The following SPOP variants were observed in gnomAD, a reference collection of about 807,000 sequenced individuals.
SPOP encodes speckle-type POZ protein.
In SPOP, 11 loss-of-function variants were observed where a neutral mutation model predicts 45.6. That is an observed-to-expected ratio of 0.24 (90% CI 0.15 to 0.40). The LOEUF is 0.40. Among genes scored for constraint, SPOP ranks in the 10% least tolerant of loss-of-function variants. The pLI, the probability that SPOP is intolerant of heterozygous loss-of-function variation, is 1.00. For missense variants in SPOP, 152 were observed against 465.6 expected, an observed-to-expected ratio of 0.33 and a Z score of 6.20; for synonymous variants, 166 against 166.3, an observed-to-expected ratio of 1.00 and a Z score of 0.01.
At position 49,600,420 on chromosome 17, in the gene SPOP, G is replaced by A. The variant is rs1275682069; in HGVS notation, c.1083C>T (p.Cys361=). 6.2e-7 allele frequency: 1 copy of A among 1,614,026 alleles called. No homozygotes were observed. Among genetic ancestry groups the A allele is most frequent in the East Asian group, 2.2e-5 (1 of 44,888 alleles). Residue 361 remains cysteine (C), a synonymous_variant, in exon 10 of 10, where the codon TGC becomes TGT. Coordinates refer to ENST00000504102, the MANE Select transcript of SPOP (RefSeq NM_001007228.2). This position sits in a 1 kb window ranked among gnomAD's most constrained non-coding sequence, Gnocchi z 4.2. ...EAYRSLASAQ[C]PFLGPPRKRL... is the part of the protein sequence containing the mutation. ...GTTTGCGTGGGGGTCCCAGAAAAGG[G>A]CACTGTGCTGAAGCCAGAGAGCGGT...
intron 5 of SPOP, among the ~76,000 whole-genome samples, chr17:49,613,873 T>A (rs1269698902): frequency 6.6e-6 from 1 of 152,066 alleles, no homozygotes; most frequent in African/African-American, 2.4e-5. Context: ...AAACTAAAGA[T>A]TTTTTTTAAT....
intron 1 of SPOP, among the ~76,000 whole-genome samples, chr17:49,670,485 A>G (rs1180211427): frequency 6.6e-6 from 1 of 152,246 alleles, no homozygotes; most frequent in African/African-American, 2.4e-5. Flanking sequence ...TGAATTTCAG[A>G]TAAATATCAG....
At position 49,619,087 on chromosome 17, in the gene SPOP, A is replaced by G; in HGVS notation, c.374T>C (p.Phe125Ser). ...KAMESQRAYR[F>S]VQGKDWGFKK... ...GAATCCCCAGTCTTTGCCTTGCACA[A>G]ACCTATATGCCCGTTGACTCTCTGG... Residue 125 changes from phenylalanine to serine, a missense_variant, in exon 5 of 10, where the codon TTT becomes TCT. Coordinates refer to ENST00000504102, the MANE Select transcript of SPOP (RefSeq NM_001007228.2). This position sits in a 1 kb window ranked among gnomAD's most constrained non-coding sequence, Gnocchi z 4.9. 6.2e-7 allele frequency: 1 copy of G among 1,614,140 alleles called. No homozygotes were observed. Among genetic ancestry groups the G allele is most frequent in the Non-Finnish European group, 8.5e-7 (1 of 1,180,024 alleles).
At chr17:49,610,359 C>T (rs1011799309) in intron 6 of SPOP, among the ~76,000 whole-genome samples, 1 of 152,134 alleles carries the variant, frequency 6.6e-6, no homozygotes, top group Admixed American at 6.5e-5. Context: ...GCTGGTATTA[C>T]AGGCGCATGC....
intron 1 of SPOP, among the ~76,000 whole-genome samples, chr17:49,664,982 GTGGCATCAGAAACTCTTT>G (rs2073034303): frequency 6.6e-6 from 1 of 151,908 alleles, no homozygotes; most frequent in Non-Finnish European, 1.5e-5. Flanking sequence ...AACCCTGCAT[GTGGCATCAGAAACTCTTT>G]TATATGAACT....
At chr17:49,644,923 A>G (rs1333434539) in intron 1 of SPOP, among the ~76,000 whole-genome samples, 1 of 152,198 alleles carries the variant, frequency 6.6e-6, no homozygotes, top group Non-Finnish European at 1.5e-5. Flanking sequence ...AACAGAACTG[A>G]AAGTATAAAT....
intron 1 of SPOP, among the ~76,000 whole-genome samples, chr17:49,628,239 C>T (rs2072377934): frequency 6.6e-6 from 1 of 152,192 alleles, no homozygotes; most frequent in Admixed American, 6.5e-5. Flanking sequence ...AACTCTGAGG[C>T]TGAACATATA....
At chr17:49,637,361 T>C (rs924199051) in intron 1 of SPOP, among the ~76,000 whole-genome samples, 2 of 152,070 alleles carry the variant, frequency 1.3e-5, no homozygotes, top group African/African-American at 4.8e-5. Flanking sequence ...TGGTTCTCCT[T>C]TTTTTTGAGA....
chr17:49,633,093 T>C (rs1006921958), intron 1 of SPOP, among the ~76,000 whole-genome samples: 2 of 152,186 alleles, frequency 1.3e-5, no homozygotes, highest in Non-Finnish European at 2.9e-5. Context: ...GAAACAAGCA[T>C]AGTATTATGT....
In SPOP at chr17:49,619,521, G is replaced by C. The variant is rs2072174137; in HGVS notation, c.201-136C>G. ...AGAATATAATTCAGTAGAATGACTA[G>C]TTGGGAACAACTTTTTTCTCTTTTT... On this transcript the variant is annotated intron_variant, in intron 3 of 9. Coordinates refer to ENST00000504102, the MANE Select transcript of SPOP (RefSeq NM_001007228.2). This position sits in a 1 kb window ranked among gnomAD's most constrained non-coding sequence, Gnocchi z 4.9. 3 of 1,001,928 alleles carry C rather than the reference G, an allele frequency of 3.0e-6. No individual in the cohort carries two copies. The allele number at this position is 1,001,928 out of a possible 1,614,324, so 62.1% of individuals were successfully genotyped here. A position where few individuals can be genotyped will look rare whatever the true frequency, so the allele number is the denominator to read the frequency against.
chr17:49,603,991 T>G (rs1367495103), intron 8 of SPOP, among the ~76,000 whole-genome samples: 2 of 152,228 alleles, frequency 1.3e-5, no homozygotes, highest in Non-Finnish European at 2.9e-5. Flanking sequence ...GGCAGAAGTT[T>G]AATCTTGGCT....
intron 5 of SPOP, among the ~76,000 whole-genome samples, chr17:49,613,499 C>T (rs1275029502): frequency 6.6e-6 from 1 of 152,136 alleles, no homozygotes. Flanking sequence ...CTGAATTTCA[C>T]ATAATCAAAC....
At chr17:49,676,115 C>A (rs1417376442) in intron 1 of SPOP, 1 of 152,124 alleles carries the variant, frequency 6.6e-6, no homozygotes, top group Non-Finnish European at 1.5e-5. Context: ...CTTCTAGATA[C>A]TACCTAAGTA....
chr17:49,604,798 TTC>T (rs2071806369), intron 8 of SPOP, among the ~76,000 whole-genome samples: 1 of 152,146 alleles, frequency 6.6e-6, no homozygotes, highest in Non-Finnish European at 1.5e-5. Context: ...GACCATTGAG[TTC>T]TCTCTCTGAT....
At chr17:49,677,521 C>A (rs950613416) in intron 1 of SPOP, among the ~76,000 whole-genome samples, 1 of 152,244 alleles carries the variant, frequency 6.6e-6, no homozygotes, top group Non-Finnish European at 1.5e-5. Flanking sequence ...GACTCGTGCT[C>A]CACCGGCTCT....
intron 1 of SPOP, among the ~76,000 whole-genome samples, chr17:49,642,933 G>T (rs114316504): frequency 6.6e-6 from 1 of 152,252 alleles, no homozygotes; most frequent in South Asian, 2.1e-4. Context: ...TAAAGTTGGC[G>T]TAAGCCTAGA....
chr17:49,636,960 A>G (rs2143407907), intron 1 of SPOP, among the ~76,000 whole-genome samples: 1 of 152,298 alleles, frequency 6.6e-6, no homozygotes, highest in South Asian at 2.1e-4. Flanking sequence ...TTACTAGTCA[A>G]AATTACCATT....
At chr17:49,649,225 G>T (rs919999903) in intron 1 of SPOP, among the ~76,000 whole-genome samples, 7 of 151,972 alleles carry the variant, frequency 4.6e-5, no homozygotes, top group Admixed American at 1.3e-4. Flanking sequence ...ACTAGTTTTT[G>T]TTCTCTTTAA....
chr17:49,621,816 G>T, intron 3 of SPOP, 130 bp downstream of exon 3: 1 of 971,288 alleles, frequency 1.0e-6, no homozygotes. Flanking sequence ...GCTAGGCACT[G>T]GGAAATACAG....
Sources: gnomAD v4.1 joint callset for allele counts (sites outside exome capture counted in the v4.1 genomes callset) on GRCh38, gnomAD v4.1.1 for gene constraint, Gnocchi (gnomAD v3.1) non-coding constraint, MANE v1.5 for transcripts, NCBI Gene and HGNC (gene_info 2026-07-23, HGNC 2026-07-21) for gene names.